RELN: variants seen among roughly 807,000 people sequenced by gnomAD.
RELN encodes reelin.
RELN carries 108 observed loss-of-function variants against 427.6 expected under a neutral mutation model. The observed-to-expected ratio is 0.25, with a 90% CI of 0.22 to 0.30. The LOEUF is 0.30. Ranked by LOEUF, RELN falls within the 10% of genes least tolerant of loss-of-function variation. The pLI, the probability that RELN is intolerant of heterozygous loss-of-function variation, is 1.00. For synonymous variants in RELN, 1,524 were observed against 1,513.4 expected (o/e 1.01, Z -0.16); for missense variants, 3,715 against 4,302.8 (o/e 0.86, Z 3.82).
chr7:103,903,274 G>GT (rs200223959), intron 2 of RELN, among the ~76,000 whole-genome samples: 5,447 of 142,594 alleles, frequency 0.038, 113 homozygotes, highest in Non-Finnish European at 0.053. Flanking sequence ...ATTCCTAAGT[G>GT]TTTTTTTTTT....
intron 7 of RELN, among the ~76,000 whole-genome samples, chr7:103,725,461 A>AGGAGGCTGAGGTG (rs537341444): frequency 9.8e-4 from 6 of 6,152 alleles, no homozygotes; most frequent in African/African-American, 1.4e-3. Flanking sequence ...AGGCTGAGGC[A>AGGAGGCTGAGGTG]GGAGGCTGAG....
At chr7:103,701,057 C>G (rs761735361) in intron 8 of RELN, 51 bp from the exon 9 acceptor site, 2 of 1,001,372 alleles carry the variant, frequency 2.0e-6, no homozygotes, top group South Asian at 2.6e-5. Flanking sequence ...GGTGCAAATA[C>G]ATATTATCTT....
chr7:103,725,316 G>T (rs981242416), intron 7 of RELN, among the ~76,000 whole-genome samples: 13 of 152,208 alleles, frequency 8.5e-5, no homozygotes, highest in Admixed American at 8.5e-4. Context: ...ACTTTAGGAA[G>T]CCAAGGCAGT....
intron 1 of RELN, among the ~76,000 whole-genome samples, chr7:103,957,005 G>A (rs1796446856): frequency 6.6e-6 from 1 of 152,180 alleles, no homozygotes; most frequent in Non-Finnish European, 1.5e-5. Context: ...GGTAACAGGA[G>A]ACTAAGAATT....
At chr7:103,934,190 A>G (rs1795928480) in intron 1 of RELN, among the ~76,000 whole-genome samples, 1 of 152,180 alleles carries the variant, frequency 6.6e-6, no homozygotes, top group South Asian at 2.1e-4. Context: ...GTCTTGTATT[A>G]AAATTTGATA....
intron 22 of RELN, among the ~76,000 whole-genome samples, chr7:103,605,121 C>T (rs569302059): frequency 7.9e-4 from 120 of 152,286 alleles, no homozygotes; most frequent in African/African-American, 2.6e-3. Flanking sequence ...TAAGCCACCG[C>T]GCCCTGCCAA....
intron 7 of RELN, among the ~76,000 whole-genome samples, chr7:103,725,994 T>C (rs1790201855): frequency 6.6e-6 from 1 of 152,204 alleles, no homozygotes; most frequent in Non-Finnish European, 1.5e-5. Context: ...ACAACTTCAG[T>C]AAGAATGGGC....
chr7:103,565,508 T>G lies in RELN; in HGVS notation c.4980A>C (p.Ala1660=). The G allele has an allele frequency of 6.2e-7, 1 of 1,613,702 alleles. No homozygotes were observed. Among genetic ancestry groups the G allele is most frequent in the Non-Finnish European group, 8.5e-7 (1 of 1,179,884 alleles). Residue 1660 remains alanine, a synonymous_variant, in exon 34 of 65, where the codon GCA becomes GCC. Coordinates refer to ENST00000428762, the MANE Select transcript of RELN (RefSeq NM_005045.4). ...TCATTTCAAACTGCAAAAAGGTAGA[T>G]GCTGACACATGAAAATCCCAGGTCT... ...YAETWDFHVS[A]STFLQFEMSM...
At chr7:103,507,702 TAGAG>T (rs1829262092) in intron 51 of RELN, among the ~76,000 whole-genome samples, 1 of 150,798 alleles carries the variant, frequency 6.6e-6, no homozygotes, top group African/African-American at 2.4e-5. Context: ...CTGAAGGAGA[TAGAG>T]ACACAAAATA....
chr7:103,891,611 T>C (rs1192516966), intron 2 of RELN, among the ~76,000 whole-genome samples: 9 of 152,328 alleles, frequency 5.9e-5, no homozygotes, highest in African/African-American at 1.9e-4. Flanking sequence ...AAGGACATGC[T>C]GGGCCTTATC....
rs776280703 is a variant in RELN, at chr7:103,515,045, C to G, written c.8119+140G>C. The G allele has an allele frequency of 4.0e-4, 422 of 1,057,914 alleles. 1 individual carries two copies. Among genetic ancestry groups the G allele is most frequent in the Middle Eastern group, 2.4e-3 (9 of 3,812 alleles). The allele number at this position is 1,057,914 out of a possible 1,614,324, so 65.5% of individuals were successfully genotyped here. On this transcript the variant is annotated intron_variant, in intron 50 of 64. Coordinates refer to ENST00000428762, the MANE Select transcript of RELN (RefSeq NM_005045.4). ...TGCCAACTAGGAAGGCTGAGAGGAA[C>G]AAAAGGATGACACCCTTTTCAGCGT...
At position 103,776,478 on chromosome 7, in the gene RELN, T is replaced by G; in HGVS notation, c.544+79A>C. The G allele has an allele frequency of 2.9e-6, 4 of 1,400,150 alleles. No individual in the cohort carries two copies. The South Asian group carries it at 4.6e-5, about 16-fold the overall frequency. The allele number at this position is 1,400,150 out of a possible 1,614,324, so 86.7% of individuals were successfully genotyped here. On this transcript the variant is annotated intron_variant, in intron 4 of 64. Transcript: ENST00000428762. ...TTACGATTAAGTAATCATAATGAAATGCTTACTTGGTACATAGAACACAGG... is the reference window on the plus strand; with the variant it reads ...TTACGATTAAGTAATCATAATGAAAGGCTTACTTGGTACATAGAACACAGG...
At chr7:103,743,990 C>A (rs1262610833) in intron 6 of RELN, among the ~76,000 whole-genome samples, 4 of 152,098 alleles carry the variant, frequency 2.6e-5, no homozygotes, top group Admixed American at 6.5e-5. Flanking sequence ...ACACCTATTC[C>A]AAAATTGACC....
intron 4 of RELN, among the ~76,000 whole-genome samples, chr7:103,774,015 G>A (rs371601489): frequency 5.3e-5 from 8 of 152,186 alleles, no homozygotes; most frequent in African/African-American, 1.9e-4. Flanking sequence ...ATGACTTTCG[G>A]TAGGGTGCGG....
At chr7:103,851,092 C>T (rs910861983) in intron 2 of RELN, among the ~76,000 whole-genome samples, 3 of 152,132 alleles carry the variant, frequency 2.0e-5, no homozygotes, top group African/African-American at 4.8e-5. Context: ...AATGCCCATC[C>T]GTCAATGACA....
In RELN at chr7:103,594,503, G is replaced by C. The variant is rs1165489396; in HGVS notation, c.3540-11C>G. On this transcript the variant is annotated splice_polypyrimidine_tract_variant and intron_variant, in intron 25 of 64. Transcript: ENST00000428762. The stretch of plus-strand genomic sequence containing the variant: ...TCCAGATAGACAAATCTGAATAAAA[G>C]TAAATCATTTACGGTTGGGAAAACA... 1 of 1,611,144 alleles carries C rather than the reference G, an allele frequency of 6.2e-7. No individual in the cohort carries two copies. The highest frequency in any genetic ancestry group is 1.1e-5 in the South Asian group (1 of 91,006).
In RELN at chr7:103,677,296, G is replaced by C. The variant is rs184236525; in HGVS notation, c.1289+4820C>G. ...GACTAGGGGAGGGATAACATTAGGA[G>C]AAATACCTAATGTAGGTGATGGGTT... On this transcript the variant is annotated intron_variant, in intron 11 of 64. Coordinates refer to ENST00000428762, the MANE Select transcript of RELN (RefSeq NM_005045.4). Among the ~76,000 whole-genome samples the C allele has an allele frequency of 3.7e-3, 553 of 151,370 alleles. 9 individuals are homozygous for C. Among genetic ancestry groups the C allele is most frequent in the African/African-American group, 0.013 (535 of 41,202 alleles).
chr7:103,939,114 T>C (rs903441001), intron 1 of RELN, among the ~76,000 whole-genome samples: 14 of 151,914 alleles, frequency 9.2e-5, no homozygotes, highest in Non-Finnish European at 1.2e-4. Context: ...GCCTGGCTAA[T>C]TTTTTTGTAT....
At chr7:103,919,611 C>T (rs1795568494) in intron 1 of RELN, among the ~76,000 whole-genome samples, 1 of 152,136 alleles carries the variant, frequency 6.6e-6, no homozygotes, top group South Asian at 2.1e-4. Context: ...GTGTCTGCCT[C>T]ATTCCTTTCT....
Sources: allele counts gnomAD v4.1 joint callset (sites outside exome capture counted in the v4.1 genomes callset), GRCh38; gene constraint gnomAD v4.1.1; transcripts MANE v1.5; gene names NCBI Gene and HGNC (gene_info 2026-07-23, HGNC 2026-07-21).